TOGARAM2: variants seen among roughly 807,000 people sequenced by gnomAD.
TOGARAM2 encodes the protein TOG array regulator of axonemal microtubules 2, also known as TOG array regulator of axonemal microtubules protein 2.
TOGARAM2 carries 85 observed loss-of-function variants against 93.3 expected under a neutral mutation model. That is an observed-to-expected ratio of 0.91 (90% CI 0.76 to 1.09). The LOEUF is 1.09. TOGARAM2 is among the 50% of genes least tolerant of loss of function. The pLI, the probability that TOGARAM2 is intolerant of heterozygous loss-of-function variation, is 0.00. For missense variants in TOGARAM2, 1,277 were observed against 1,334.5 expected, an observed-to-expected ratio of 0.96 and a Z score of 0.67; for synonymous variants, 593 against 552.8, an observed-to-expected ratio of 1.07 and a Z score of -1.02.
rs966220590 is a variant in TOGARAM2 at position 29,002,693 on chromosome 2, G to A, written c.585G>A (p.Leu195=). The A allele has an allele frequency of 6.2e-7, 1 of 1,613,900 alleles. No homozygotes were observed. The highest frequency in any genetic ancestry group is 1.3e-5 in the African/African-American group (1 of 74,948). ...PEASGVKEKG[L]DLPGSIPGPH... ...CCAGCGGAGTCAAAGAGAAGGGCCT[G>A]GACCTACCGGGGAGCATTCCGGGTC... The change falls in exon 5 of 20, where the codon CTG becomes CTA. Residue 195 remains leucine (L), a synonymous_variant. Transcript: ENST00000379558.
chr2:28,976,394 C>CA (rs1672036690), upstream of TOGARAM2, among the ~76,000 whole-genome samples: 1 of 152,102 alleles, frequency 6.6e-6, no homozygotes, highest in Non-Finnish European at 1.5e-5. Context: ...ACAACAACAA[C>CA]AAAAACCCAT....
chr2:28,996,567 A>G (rs141441870), intron 2 of TOGARAM2, among the ~76,000 whole-genome samples: 108 of 152,190 alleles, frequency 7.1e-4, no homozygotes, highest in African/African-American at 2.4e-3. Context: ...CACATCTGTA[A>G]TCCTAGCACT....
Position 29,011,471 on chromosome 2 carries a change from G to A in TOGARAM2, c.847G>A (p.Gly283Arg). Reference sequence around the variant, plus strand: ...TCTTTTAAGATTGGCTCGGGGGAGTGGGCCTCGGGAGAAGACCCCTGCATC... The same window carrying A: ...TCTTTTAAGATTGGCTCGGGGGAGTAGGCCTCGGGAGAAGACCCCTGCATC... ...APRTRLARGSGPREKTPASLE... is the reference protein window; with the variant it reads ...APRTRLARGSRPREKTPASLE... The change falls in exon 7 of 20, where the codon GGG becomes AGG. Residue 283 changes from glycine (G) to arginine (R), a missense_variant. Transcript: ENST00000379558. 1.2e-6 allele frequency: 2 copies of A among 1,607,354 alleles called. No homozygotes were observed. Among genetic ancestry groups the A allele is most frequent in the Non-Finnish European group, 1.7e-6 (2 of 1,177,624 alleles).
intron 1 of TOGARAM2, among the ~76,000 whole-genome samples, chr2:28,963,955 C>T (rs1202479654): frequency 6.6e-6 from 1 of 152,070 alleles, no homozygotes; most frequent in Non-Finnish European, 1.5e-5. Flanking sequence ...TGCAGTAAGC[C>T]AAGATCGCGC....
chr2:28,994,716 C>A lies in TOGARAM2; in HGVS notation c.-110-9C>A. 2 of 1,002,004 alleles carry A rather than the reference C, an allele frequency of 2.0e-6. No individual in the cohort carries two copies. The highest frequency in any genetic ancestry group is 1.5e-5 in the South Asian group (1 of 67,310). 62.1% of individuals were successfully genotyped at this position (1,002,004 alleles called of 1,614,324 possible). A position where few individuals can be genotyped will look rare whatever the true frequency, so the allele number is the denominator to read the frequency against. ...TTTACTGACTTCTCCTTTCTCCTCT[C>A]ACCCTTAGGTCCCGGATGTTACAGG... On this transcript the variant is annotated splice_polypyrimidine_tract_variant and intron_variant, in intron 1 of 19. Coordinates refer to ENST00000379558, the MANE Select transcript of TOGARAM2 (RefSeq NM_199280.4).
At chr2:29,033,200 T>C (rs1051180830) in intron 15 of TOGARAM2, 149 bp downstream of exon 15, 1 of 726,176 alleles carries the variant, frequency 1.4e-6, no homozygotes, top group Non-Finnish European at 2.3e-6. Context: ...GAGATAGATG[T>C]GATTTCTGTC....
intron 1 of TOGARAM2, among the ~76,000 whole-genome samples, chr2:28,968,048 A>G (rs1671891185): frequency 6.6e-6 from 1 of 151,856 alleles, no homozygotes; most frequent in Non-Finnish European, 1.5e-5. Context: ...TGAACTCCTG[A>G]CGTCAGGTGA....
intron 1 of TOGARAM2, among the ~76,000 whole-genome samples, chr2:28,967,798 CTT>C (rs11417570): frequency 5.1e-5 from 4 of 78,560 alleles, no homozygotes; most frequent in African/African-American, 5.4e-5. Flanking sequence ...ATAAGATGGT[CTT>C]TTTTTTTTTT....
chr2:29,012,200 C>T (rs1000689198), intron 7 of TOGARAM2, among the ~76,000 whole-genome samples: 3 of 152,252 alleles, frequency 2.0e-5, no homozygotes, highest in South Asian at 2.1e-4. Context: ...CAGAACACCC[C>T]GAACCCAGGC....
At chr2:29,029,671 G>A (rs183651246) in intron 14 of TOGARAM2, among the ~76,000 whole-genome samples, 4,202 of 147,882 alleles carry the variant, frequency 0.028, 213 homozygotes, top group African/African-American at 0.096. Flanking sequence ...CAGGAGAATG[G>A]CGTGAACCCG....
At chr2:28,963,710 A>G (rs1671827754) in intron 1 of TOGARAM2, among the ~76,000 whole-genome samples, 5 of 152,134 alleles carry the variant, frequency 3.3e-5, no homozygotes, top group Admixed American at 3.3e-4. Context: ...TATGTACTTG[A>G]AAAGAATGTG....
chr2:28,980,047 C>T (rs1239179373), upstream of TOGARAM2, among the ~76,000 whole-genome samples: 1 of 152,224 alleles, frequency 6.6e-6, no homozygotes, highest in Admixed American at 6.5e-5. Context: ...TGGGCATCTT[C>T]ATACCTGTCT....
At chr2:29,038,261 G>A (rs11684567) in intron 18 of TOGARAM2, among the ~76,000 whole-genome samples, 40,580 of 151,990 alleles carry the variant, frequency 0.27, 6,258 homozygotes, top group Admixed American at 0.37. Flanking sequence ...CTGGGACAGG[G>A]CCTCCTTGGG....
intron 4 of TOGARAM2, among the ~76,000 whole-genome samples, chr2:28,999,822 C>T (rs970175439): frequency 1.3e-5 from 2 of 152,366 alleles, no homozygotes; most frequent in African/African-American, 4.8e-5. Flanking sequence ...CAAATGTTCC[C>T]TTATGCACAA....
rs756631123 is a variant in TOGARAM2 at position 29,051,884 on chromosome 2, G to A, written c.2851G>A (p.Gly951Arg). 1.0e-5 allele frequency: 16 copies of A among 1,576,796 alleles called. No homozygotes were observed. The highest frequency in any genetic ancestry group is 2.3e-5 in the South Asian group (2 of 86,258). The change falls in exon 20 of 20, where the codon GGG (glycine) becomes AGG (arginine). Residue 951 changes from glycine (G) to arginine (R), a missense_variant. Physicochemically the swap from Gly to Arg is moderately radical, Grantham distance 125 (BLOSUM62 -2). Coordinates refer to ENST00000379558, the MANE Select transcript of TOGARAM2 (RefSeq NM_199280.4). ...GCCTGGACCCAGCGGGAACATCCGC[G>A]GGGTGGTGTGCCGGCTGTCCAGGAG... The part of the protein sequence containing the change: ...TLPGPSGNIR[G>R]VVCRLSRSLQ...
At chr2:28,957,594 G>A (rs1671745788) in intron 1 of TOGARAM2, among the ~76,000 whole-genome samples, 1 of 152,176 alleles carries the variant, frequency 6.6e-6, no homozygotes, top group Non-Finnish European at 1.5e-5. Flanking sequence ...TTCTCCCTCT[G>A]GCTGGAGTCA....
intron 10 of TOGARAM2, among the ~76,000 whole-genome samples, chr2:29,020,974 C>T (rs991722307): frequency 2.0e-5 from 3 of 152,144 alleles, no homozygotes; most frequent in African/African-American, 7.2e-5. Context: ...AGTGCAGTGA[C>T]ATGATCTCGG....
In TOGARAM2 at chr2:29,022,194, C is replaced by A; in HGVS notation, c.1397C>A (p.Pro466His). The A allele has an allele frequency of 6.2e-7, 1 of 1,614,010 alleles. No homozygotes were observed. The highest frequency in any genetic ancestry group is 8.5e-7 in the Non-Finnish European group (1 of 1,179,890). The change falls in exon 11 of 20, where the codon CCT becomes CAT. Residue 466 changes from proline (P) to histidine (H), a missense_variant. By Grantham distance (77) the Pro-to-His change is moderately conservative (BLOSUM62 -2). Transcript: ENST00000379558. ...SLPAVLTLGSPEWEEEEEMDL... is the reference protein window; with the variant it reads ...SLPAVLTLGSHEWEEEEEMDL... ...CCTGCGGTGCTCACGTTGGGGTCTCCTGAATGGGAAGAAGAGGAGGAGATG... is the reference window on the plus strand; with the variant it reads ...CCTGCGGTGCTCACGTTGGGGTCTCATGAATGGGAAGAAGAGGAGGAGATG...
intron 1 of TOGARAM2, among the ~76,000 whole-genome samples, chr2:28,988,861 T>C (rs896617444): frequency 6.6e-6 from 1 of 152,070 alleles, no homozygotes; most frequent in African/African-American, 2.4e-5. Flanking sequence ...AATGGTCACA[T>C]CCAATTGGCT....
Sources: allele counts gnomAD v4.1 joint callset (sites outside exome capture counted in the v4.1 genomes callset), GRCh38; gene constraint gnomAD v4.1.1; transcripts MANE v1.5; gene names NCBI Gene and HGNC (gene_info 2026-07-23, HGNC 2026-07-21).